Variants in ARL3 observed in about 807,000 individuals in gnomAD.
The protein encoded by ARL3 is ADP-ribosylation factor-like protein 3.
In ARL3, 9 loss-of-function variants were observed where a neutral mutation model predicts 26.0. The ratio of observed to expected loss-of-function variants is 0.35; its 90% confidence interval spans 0.21 to 0.60. The LOEUF (loss-of-function observed/expected upper bound fraction) is 0.60, where lower values mean the gene tolerates loss of function less well. ARL3 is among the 20% of genes least tolerant of loss of function. ARL3 has a pLI of 0.78. For synonymous variants in ARL3, 71 were observed against 78.4 expected, an observed-to-expected ratio of 0.91 and a Z score of 0.50; for missense variants, 158 against 215.7, an observed-to-expected ratio of 0.73 and a Z score of 1.67.
At chr10:102,694,859 C>T (rs1417611247) in intron 3 of ARL3, among the ~76,000 whole-genome samples, 1 of 152,168 alleles carries the variant, frequency 6.6e-6, no homozygotes, top group Non-Finnish European at 1.5e-5. Context: ...GCTGGGATTA[C>T]AGGTGCCTGC....
chr10:102,679,509 G>C (rs2064144872), intron 5 of ARL3, among the ~76,000 whole-genome samples: 1 of 152,250 alleles, frequency 6.6e-6, no homozygotes, highest in African/African-American at 2.4e-5. Context: ...GTGGTGCCCA[G>C]CGTGGTGCTC....
intron 2 of ARL3, among the ~76,000 whole-genome samples, chr10:102,702,084 A>C (rs2064282801): frequency 6.6e-6 from 1 of 151,324 alleles, no homozygotes; most frequent in Non-Finnish European, 1.5e-5. Flanking sequence ...CTAACTACTC[A>C]GGAGCCTGAG....
intron 4 of ARL3, among the ~76,000 whole-genome samples, chr10:102,689,129 C>G (rs1237905089): frequency 6.6e-6 from 1 of 151,832 alleles, no homozygotes; most frequent in African/African-American, 2.4e-5. Flanking sequence ...TCAAGACCAG[C>G]CTGGTCAACA....
At chr10:102,690,303 T>C (rs2064210157) in intron 3 of ARL3, among the ~76,000 whole-genome samples, 1 of 149,534 alleles carries the variant, frequency 6.7e-6, no homozygotes, top group African/African-American at 2.5e-5. Flanking sequence ...TCCTTTTTTT[T>C]TTTTTTTTTT....
At chr10:102,693,794 T>G (rs1257247866) in intron 3 of ARL3, among the ~76,000 whole-genome samples, 1 of 152,072 alleles carries the variant, frequency 6.6e-6, no homozygotes. Flanking sequence ...CACCTCAGTC[T>G]CCCGAGTAGC....
At chr10:102,711,535 A>G (rs2064340693) in intron 1 of ARL3, among the ~76,000 whole-genome samples, 2 of 151,966 alleles carry the variant, frequency 1.3e-5, no homozygotes, top group South Asian at 4.2e-4. Flanking sequence ...GCGGATCACG[A>G]GGTCAGGAGA....
chr10:102,709,282 A>T (rs1237313383), intron 1 of ARL3, among the ~76,000 whole-genome samples: 1 of 151,490 alleles, frequency 6.6e-6, no homozygotes, highest in East Asian at 1.9e-4. Flanking sequence ...GTTACTAAAA[A>T]TACTGTTTTT....
intron 2 of ARL3, among the ~76,000 whole-genome samples, chr10:102,702,147 G>A (rs2064283216): frequency 6.6e-6 from 1 of 151,914 alleles, no homozygotes; most frequent in Non-Finnish European, 1.5e-5. Context: ...GCTATGGATG[G>A]TGCCACTGTA....
intron 1 of ARL3, among the ~76,000 whole-genome samples, chr10:102,706,947 C>T (rs1165547556): frequency 2.6e-5 from 4 of 151,116 alleles, no homozygotes; most frequent in Non-Finnish European, 4.4e-5. Flanking sequence ...GCTGGGATTA[C>T]AGGCCATGAG....
Position 102,713,082 on chromosome 10 carries a change from TTTG to T in ARL3, c.3+1188_3+1190del, listed in dbSNP as rs1348791819. Among the ~76,000 whole-genome samples the T allele has an allele frequency of 4.3e-3, 88 of 20,372 alleles. 3 individuals carry two copies. Among genetic ancestry groups the T allele is most frequent in the Middle Eastern group, 0.071 (2 of 28 alleles). 13.4% of individuals were successfully genotyped at this position (20,372 alleles called of 152,430 possible). On this transcript the variant is annotated intron_variant, in intron 1 of 5. Transcript: ENST00000260746. ...TTTTTTTTCCTGGGCATCTAGTTTTTTTGTTTTTTTTTTTACTTCTTAAATCAA... is the reference window on the plus strand; with the variant it reads ...TTTTTTTTCCTGGGCATCTAGTTTTTTTTTTTTTTTTACTTCTTAAATCAA...
intron 2 of ARL3, among the ~76,000 whole-genome samples, chr10:102,700,149 G>T (rs1032296693): frequency 1.3e-5 from 2 of 152,168 alleles, no homozygotes; most frequent in African/African-American, 4.8e-5. Context: ...CGTAGCTCAC[G>T]CCTGTAATCC....
chr10:102,692,931 C>T (rs1345107186), intron 3 of ARL3, among the ~76,000 whole-genome samples: 1 of 151,988 alleles, frequency 6.6e-6, no homozygotes, highest in African/African-American at 2.4e-5. Context: ...CTCCTGACCT[C>T]GTGATCTGCC....
At chr10:102,690,913 G>A (rs147432784) in intron 3 of ARL3, among the ~76,000 whole-genome samples, 458 of 147,732 alleles carry the variant, frequency 3.1e-3, no homozygotes, top group Middle Eastern at 0.014. Flanking sequence ...TTGAGATGGG[G>A]TCTTGCTATG....
At chr10:102,706,115 T>A (rs939526806) in intron 1 of ARL3, among the ~76,000 whole-genome samples, 1 of 152,086 alleles carries the variant, frequency 6.6e-6, no homozygotes, top group African/African-American at 2.4e-5. Flanking sequence ...TATAAATATA[T>A]AACACCATGG....
intron 1 of ARL3, among the ~76,000 whole-genome samples, chr10:102,713,053 A>ATT (rs377709954): frequency 1.8e-4 from 21 of 118,130 alleles, no homozygotes; most frequent in Non-Finnish European, 3.7e-4. Flanking sequence ...ACATACATCT[A>ATT]TTTTTTTTTT....
At chr10:102,713,758 G>A (rs971490955) in intron 1 of ARL3, among the ~76,000 whole-genome samples, 8 of 152,086 alleles carry the variant, frequency 5.3e-5, no homozygotes, top group African/African-American at 9.7e-5. Context: ...ACCCCCCAGG[G>A]GCCCGCACAG....
At chr10:102,698,026 G>T (rs2064258147) in intron 3 of ARL3, among the ~76,000 whole-genome samples, 1 of 152,090 alleles carries the variant, frequency 6.6e-6, no homozygotes, top group African/African-American at 2.4e-5. Context: ...GCTGAGGAAT[G>T]GGACAGTATT....
At chr10:102,710,243 A>G (rs1360734490) in intron 1 of ARL3, among the ~76,000 whole-genome samples, 1 of 152,232 alleles carries the variant, frequency 6.6e-6, no homozygotes. Flanking sequence ...GGTCTAGGGA[A>G]GACAAGTGCA....
chr10:102,701,145 T>G (rs1220792990), intron 2 of ARL3, among the ~76,000 whole-genome samples: 1 of 152,100 alleles, frequency 6.6e-6, no homozygotes, highest in Non-Finnish European at 1.5e-5. Context: ...AAGAAACAAA[T>G]TAACAAGCCC....
Sources: gnomAD v4.1 joint callset for allele counts (sites outside exome capture counted in the v4.1 genomes callset) on GRCh38, gnomAD v4.1.1 for gene constraint, MANE v1.5 for transcripts, NCBI Gene and HGNC (gene_info 2026-07-23, HGNC 2026-07-21) for gene names.